The following BTRC variants were observed in gnomAD, a reference collection of about 807,000 sequenced individuals.
BTRC encodes F-box/WD repeat-containing protein 1A.
Under a neutral mutation model 85.5 loss-of-function variants are expected in BTRC, and 42 were observed. The ratio of observed to expected loss-of-function variants is 0.49; its 90% CI spans 0.38 to 0.64. The LOEUF (loss-of-function observed/expected upper bound fraction) is 0.64. Among genes scored for constraint, BTRC ranks in the 30% least tolerant of loss-of-function variants. BTRC has a pLI of 0.00. For missense variants in BTRC, 594 were observed against 743.5 expected (o/e 0.80, Z 2.34); for synonymous variants, 255 against 263.3 (o/e 0.97, Z 0.30).
chr10:101,375,821 T>G (rs1283917564), intron 1 of BTRC, among the ~76,000 whole-genome samples: 4 of 152,226 alleles, frequency 2.6e-5, no homozygotes, highest in Admixed American at 1.3e-4. Context: ...TTGGTACGCC[T>G]AAAAAATTGG....
intron 2 of BTRC, among the ~76,000 whole-genome samples, chr10:101,442,393 T>C (rs1176844864): frequency 6.6e-6 from 1 of 151,630 alleles, no homozygotes; most frequent in Non-Finnish European, 1.5e-5. Flanking sequence ...TGCTGCTATC[T>C]AATGGCAGCC....
chr10:101,549,198 G>T (rs2062606692), intron 13 of BTRC, among the ~76,000 whole-genome samples: 1 of 150,178 alleles, frequency 6.7e-6, no homozygotes, highest in African/African-American at 2.5e-5. Context: ...GCTTTGGGAG[G>T]CCAAGGCAGA....
intron 3 of BTRC, among the ~76,000 whole-genome samples, chr10:101,463,756 TCA>T (rs1340387525): frequency 6.6e-6 from 1 of 152,196 alleles, no homozygotes; most frequent in Non-Finnish European, 1.5e-5. Flanking sequence ...TACTCAGATC[TCA>T]GTGTTTCCAA....
intron 9 of BTRC, 69 bp from the exon 10 acceptor site, chr10:101,534,592 G>A (rs917549570): frequency 3.1e-5 from 49 of 1,583,880 alleles, no homozygotes; most frequent in Middle Eastern, 1.7e-4. Flanking sequence ...GTGGAAGGGC[G>A]CATGATGGTC....
chr10:101,434,254 T>C (rs1359348890), intron 2 of BTRC, among the ~76,000 whole-genome samples: 1 of 152,224 alleles, frequency 6.6e-6, no homozygotes, highest in African/African-American at 2.4e-5. Context: ...TTTCAGGTAG[T>C]TGCAGTTTCT....
intron 1 of BTRC, among the ~76,000 whole-genome samples, chr10:101,401,100 A>T (rs1466128141): frequency 6.6e-6 from 1 of 152,240 alleles, no homozygotes; most frequent in Non-Finnish European, 1.5e-5. Flanking sequence ...GAATTTGGAC[A>T]GTCCCTTCGA....
chr10:101,410,155 GCTT>G, intron 1 of BTRC, among the ~76,000 whole-genome samples: 1 of 152,234 alleles, frequency 6.6e-6, no homozygotes, highest in Non-Finnish European at 1.5e-5. Context: ...TACTGATAAA[GCTT>G]CTTCTAGTAC....
At chr10:101,478,792 A>AAAAAG (rs923216365) in intron 3 of BTRC, among the ~76,000 whole-genome samples, 1 of 151,440 alleles carries the variant, frequency 6.6e-6, no homozygotes, top group African/African-American at 2.4e-5. Flanking sequence ...AAAAAAAAAA[A>AAAAAG]AAAAGAAAAG....
At chr10:101,457,368 C>G (rs1020027435) in intron 2 of BTRC, among the ~76,000 whole-genome samples, 5 of 152,160 alleles carry the variant, frequency 3.3e-5, no homozygotes, top group African/African-American at 1.2e-4. Context: ...CAGGAGCAGA[C>G]AATGTCAATG....
At chr10:101,543,262 T>G (rs2062499804) in intron 13 of BTRC, among the ~76,000 whole-genome samples, 1 of 152,242 alleles carries the variant, frequency 6.6e-6, no homozygotes, top group African/African-American at 2.4e-5. Flanking sequence ...TTTAACATTA[T>G]GAAATGTCCT....
intron 13 of BTRC, among the ~76,000 whole-genome samples, chr10:101,544,924 C>A (rs562419142): frequency 4.0e-4 from 60 of 151,870 alleles, no homozygotes; most frequent in African/African-American, 1.4e-3. Flanking sequence ...CATGGTGGCA[C>A]GTGCCCAGTG....
At chr10:101,459,587 GT>G (rs1185610596) in intron 2 of BTRC, among the ~76,000 whole-genome samples, 1 of 152,132 alleles carries the variant, frequency 6.6e-6, no homozygotes, top group Non-Finnish European at 1.5e-5. Flanking sequence ...ATGTTTATGG[GT>G]TTCCCCCATT....
At chr10:101,392,863 G>T (rs1403364600) in intron 1 of BTRC, among the ~76,000 whole-genome samples, 6 of 152,190 alleles carry the variant, frequency 3.9e-5, no homozygotes, top group Non-Finnish European at 1.5e-5. Context: ...TGCTATATAT[G>T]TATACATAGG....
chr10:101,435,253 G>A (rs774416229), intron 2 of BTRC, among the ~76,000 whole-genome samples: 3 of 152,086 alleles, frequency 2.0e-5, no homozygotes, highest in African/African-American at 7.2e-5. Flanking sequence ...GATCATAAGT[G>A]TACTCTTAGG....
At chr10:101,432,154 G>A (rs534004759) in intron 2 of BTRC, among the ~76,000 whole-genome samples, 24 of 146,248 alleles carry the variant, frequency 1.6e-4, no homozygotes, top group Non-Finnish European at 3.1e-4. Context: ...TTTTGAGACA[G>A]TCTTGCTCTG....
chr10:101,381,833 G>C (rs531880342), intron 1 of BTRC, among the ~76,000 whole-genome samples: 1 of 151,872 alleles, frequency 6.6e-6, no homozygotes, highest in East Asian at 1.9e-4. Context: ...TATTTTCTAA[G>C]AACAAGAGCA....
chr10:101,412,678 G>A (rs1321136967), intron 1 of BTRC, among the ~76,000 whole-genome samples: 3 of 152,072 alleles, frequency 2.0e-5, no homozygotes, highest in Non-Finnish European at 2.9e-5. Context: ...CAATACCATG[G>A]TTCCAATTTC....
intron 1 of BTRC, among the ~76,000 whole-genome samples, chr10:101,370,797 C>A (rs1188467926): frequency 1.3e-5 from 2 of 152,024 alleles, no homozygotes; most frequent in Non-Finnish European, 2.9e-5. Context: ...GTCTCAAGCT[C>A]CTGGGCTCAA....
intron 3 of BTRC, among the ~76,000 whole-genome samples, chr10:101,464,016 T>G (rs544519705): frequency 2.0e-5 from 3 of 151,918 alleles, no homozygotes; most frequent in African/African-American, 7.2e-5. Context: ...CAATTTTAAC[T>G]GTTTGGAGAA....
Sources: gnomAD v4.1 joint callset for allele counts (sites outside exome capture counted in the v4.1 genomes callset) on GRCh38, gnomAD v4.1.1 for gene constraint, MANE v1.5 for transcripts, NCBI Gene and HGNC (gene_info 2026-07-23, HGNC 2026-07-21) for gene names.